Variants in ANKRD44 observed in about 807,000 individuals in gnomAD.
ANKRD44 encodes the protein ankyrin repeat domain 44.
A neutral mutation model predicts 116.0 loss-of-function variants in ANKRD44; 35 were observed. The ratio of observed to expected loss-of-function variants is 0.30; its 90% CI spans 0.23 to 0.40. The LOEUF is 0.40. Ranked by LOEUF, ANKRD44 falls within the 10% of genes least tolerant of loss-of-function variation. The pLI is 1.00. For missense variants in ANKRD44, 1,014 were observed against 1,242.6 expected (o/e 0.82, Z 2.77); for synonymous variants, 435 against 461.8 (o/e 0.94, Z 0.74).
intron 25 of ANKRD44, 77 bp downstream of exon 25, chr2:196,998,260 C>T (rs765236297): frequency 4.3e-5 from 48 of 1,113,106 alleles, no homozygotes; most frequent in East Asian, 1.3e-4. Flanking sequence ...TACACAGTTC[C>T]GAGGTAGAAT....
intron 2 of ANKRD44, among the ~76,000 whole-genome samples, chr2:197,172,004 T>C (rs908329840): frequency 1.3e-5 from 2 of 149,908 alleles, no homozygotes; most frequent in South Asian, 2.1e-4. Flanking sequence ...TTCTTCTTTT[T>C]TTTTTTTTTT....
chr2:197,049,417 C>A (rs554813172), intron 16 of ANKRD44, among the ~76,000 whole-genome samples: 1 of 152,268 alleles, frequency 6.6e-6, no homozygotes, highest in South Asian at 2.1e-4. Context: ...CAGGATACCA[C>A]AATGGAGGGT....
At chr2:197,250,251 A>T (rs2082285482) in intron 1 of ANKRD44, among the ~76,000 whole-genome samples, 2 of 152,186 alleles carry the variant, frequency 1.3e-5, no homozygotes, top group Non-Finnish European at 2.9e-5. Flanking sequence ...GTAACAACAC[A>T]TCATCACACA....
At chr2:196,974,285 G>A (rs1261970947) in intron 21 of ANKRD44, among the ~76,000 whole-genome samples, 2 of 152,012 alleles carry the variant, frequency 1.3e-5, no homozygotes, top group Non-Finnish European at 2.9e-5. Context: ...GTTTTGCCAT[G>A]TTGCCTAGGT....
At chr2:197,016,319 A>G (rs941474197) in intron 17 of ANKRD44, among the ~76,000 whole-genome samples, 1 of 152,006 alleles carries the variant, frequency 6.6e-6, no homozygotes, top group Non-Finnish European at 1.5e-5. Flanking sequence ...TTTTCTTTTC[A>G]TTACGTCAGG....
rs539649129 is a variant in ANKRD44, at chr2:197,201,651, G to A, written c.28-14545C>T. On this transcript the variant is annotated intron_variant, in intron 1 of 27. Transcript: ENST00000282272. The surrounding 1 kb of genome is among the most constrained non-coding windows in gnomAD (Gnocchi z 4.0). ...ACACCTTATGTCAAAACTCAGAGCTGTTGTTTTTATATTTTGTTTTTGTGT... is the reference window on the plus strand; with the variant it reads ...ACACCTTATGTCAAAACTCAGAGCTATTGTTTTTATATTTTGTTTTTGTGT... Among the ~76,000 whole-genome samples, 10 of 152,322 alleles carry A rather than the reference G, an allele frequency of 6.6e-5. No homozygotes were observed. The South Asian group carries it at 1.4e-3, about 22-fold the overall frequency.
intron 1 of ANKRD44, among the ~76,000 whole-genome samples, chr2:197,288,252 T>C (rs893198703): frequency 6.6e-6 from 1 of 152,074 alleles, no homozygotes; most frequent in South Asian, 2.1e-4. Context: ...GAGTGGAATA[T>C]AAGGAAAAGC....
chr2:197,160,088 A>C (rs2079922252), intron 2 of ANKRD44, among the ~76,000 whole-genome samples: 1 of 152,098 alleles, frequency 6.6e-6, no homozygotes, highest in African/African-American at 2.4e-5. Flanking sequence ...ACACATACGC[A>C]TGCACTTTCA....
intron 1 of ANKRD44, among the ~76,000 whole-genome samples, chr2:197,239,622 T>C (rs964133220): frequency 6.6e-6 from 1 of 152,204 alleles, no homozygotes; most frequent in African/African-American, 2.4e-5. Context: ...TTCCACAGAT[T>C]ACTCAATGCA....
chr2:197,117,295 A>C (rs1248538728), intron 8 of ANKRD44, among the ~76,000 whole-genome samples: 2 of 151,944 alleles, frequency 1.3e-5, no homozygotes, highest in Non-Finnish European at 2.9e-5. Context: ...GCTGGAGTGC[A>C]GTGGTGGGAT....
intron 1 of ANKRD44, among the ~76,000 whole-genome samples, chr2:197,218,751 C>CTTGTTTTTTTTTTTTT (rs2081509797): frequency 3.8e-5 from 2 of 52,338 alleles, no homozygotes; most frequent in African/African-American, 6.9e-5. Context: ...GGTAAAGTCC[C>CTTGTTTTTTTTTTTTT]TTTTTTTTTT....
intron 2 of ANKRD44, among the ~76,000 whole-genome samples, chr2:197,164,260 G>A (rs1029774236): frequency 2.0e-5 from 3 of 152,178 alleles, no homozygotes; most frequent in Admixed American, 6.5e-5. Context: ...TGACACCGCC[G>A]GCTGCGTCTG....
chr2:197,009,043 A>G lies in ANKRD44; in HGVS notation c.1925-12T>C, dbSNP rs2076249852. On this transcript the variant is annotated splice_polypyrimidine_tract_variant and intron_variant, in intron 18 of 27. Coordinates refer to ENST00000282272, the MANE Select transcript of ANKRD44 (RefSeq NM_001195144.2). The stretch of plus-strand genomic sequence containing the variant: ...GTGACCATTAATTACTGAAAAAGAA[A>G]ACAGTGGACAGTCTTTTAACAGAAC... 1 of 1,607,436 alleles carries G rather than the reference A, an allele frequency of 6.2e-7. No individual in the cohort carries two copies. The highest frequency in any genetic ancestry group is 1.3e-5 in the African/African-American group (1 of 74,784).
chr2:197,302,842 T>C (rs1287935270), intron 1 of ANKRD44, among the ~76,000 whole-genome samples: 1 of 152,204 alleles, frequency 6.6e-6, no homozygotes, highest in Admixed American at 6.5e-5. Flanking sequence ...AGAAATAAAC[T>C]TGTTAGATGC....
intron 21 of ANKRD44, among the ~76,000 whole-genome samples, chr2:196,970,009 C>T (rs1401258671): frequency 6.6e-6 from 1 of 152,124 alleles, no homozygotes; most frequent in African/African-American, 2.4e-5. Flanking sequence ...ATAGGGACTT[C>T]AAAATTTTAA....
At chr2:197,215,589 T>C (rs1451361651) in intron 1 of ANKRD44, among the ~76,000 whole-genome samples, 1 of 152,138 alleles carries the variant, frequency 6.6e-6, no homozygotes, top group African/African-American at 2.4e-5. Flanking sequence ...TTAAATGAAA[T>C]CAAATCAAAT....
chr2:197,040,939 T>A (rs895787918), intron 16 of ANKRD44, among the ~76,000 whole-genome samples: 1 of 152,204 alleles, frequency 6.6e-6, no homozygotes, highest in African/African-American at 2.4e-5. Flanking sequence ...CACATTTCAC[T>A]CTTCTCTTAT....
chr2:197,160,203 AT>A (rs2079926424), intron 2 of ANKRD44, among the ~76,000 whole-genome samples: 1 of 152,152 alleles, frequency 6.6e-6, no homozygotes, highest in Non-Finnish European at 1.5e-5. Context: ...CTGATTACTC[AT>A]TTTTCTTTTT....
At chr2:196,995,800 G>A (rs1190648939) in intron 25 of ANKRD44, among the ~76,000 whole-genome samples, 3 of 152,162 alleles carry the variant, frequency 2.0e-5, no homozygotes, top group Non-Finnish European at 2.9e-5. Context: ...AATACTGTCT[G>A]AATCCTATAA....
Sources: allele counts gnomAD v4.1 joint callset (sites outside exome capture counted in the v4.1 genomes callset), GRCh38; gene constraint gnomAD v4.1.1; non-coding constraint Gnocchi (gnomAD v3.1); transcripts MANE v1.5; gene names NCBI Gene and HGNC (gene_info 2026-07-23, HGNC 2026-07-21).